The following AKAP7 variants were observed in gnomAD, a reference collection of about 807,000 sequenced individuals.
AKAP7 encodes the protein A-kinase anchoring protein 7, also known as A kinase (PRKA) anchor protein 7.
A neutral mutation model predicts 39.5 loss-of-function variants in AKAP7; 39 were observed. The observed-to-expected ratio is 0.99, with a 90% confidence interval of 0.76 to 1.29. AKAP7 has a LOEUF of 1.29. AKAP7 is among the 50% of genes most tolerant of loss of function. The probability of loss-of-function intolerance (pLI) is 0.00; values close to 1 mark genes in which losing one functional copy is unlikely to be tolerated. For missense variants in AKAP7, 414 were observed against 407.7 expected (o/e 1.02, Z -0.13); for synonymous variants, 140 against 139.1 (o/e 1.01, Z -0.05).
At chr6:131,269,333 C>T (rs1477948244) in intron 7 of AKAP7, among the ~76,000 whole-genome samples, 2 of 152,190 alleles carry the variant, frequency 1.3e-5, no homozygotes, top group Non-Finnish European at 2.9e-5. Flanking sequence ...CAGGCGTGAG[C>T]CCCTGTGCCC....
intron 6 of AKAP7, among the ~76,000 whole-genome samples, chr6:131,206,838 C>T (rs187314832): frequency 3.5e-4 from 53 of 152,134 alleles, no homozygotes; most frequent in South Asian, 1.7e-3. Flanking sequence ...ATTTTGTTAA[C>T]TGGGCCTGGT....
In AKAP7 at chr6:131,164,632, G is replaced by T. The variant is rs117554934; in HGVS notation, c.292-449G>T. On this transcript the variant is annotated intron_variant, in intron 3 of 7. Coordinates refer to ENST00000431975, the MANE Select transcript of AKAP7 (RefSeq NM_016377.4). ...GGGTTCACAGACACATTCACTTGGAGACAAATAATTATTGCTTCTAACAGA... is the reference window on the plus strand; with the variant it reads ...GGGTTCACAGACACATTCACTTGGATACAAATAATTATTGCTTCTAACAGA... 7.5e-4 allele frequency: 243 copies of T among 322,818 alleles called. 2 individuals carry two copies. In the East Asian group the frequency reaches 0.01, roughly 14 times the overall value. The allele number at this position is 322,818 out of a possible 1,614,324, so 20.0% of individuals were successfully genotyped here.
At chr6:131,260,431 A>T (rs1033684619) in intron 7 of AKAP7, among the ~76,000 whole-genome samples, 3 of 152,158 alleles carry the variant, frequency 2.0e-5, no homozygotes, top group Non-Finnish European at 2.9e-5. Context: ...ACAGTGTAAA[A>T]GTGTTCCTGT....
upstream of AKAP7, among the ~76,000 whole-genome samples, chr6:131,134,529 A>T (rs1354684692): frequency 2.6e-5 from 4 of 152,170 alleles, no homozygotes; most frequent in Non-Finnish European, 5.9e-5. Flanking sequence ...CTATTATATG[A>T]TCAGCTCCAT....
intron 2 of AKAP7, among the ~76,000 whole-genome samples, chr6:131,148,954 G>A (rs1801693624): frequency 6.6e-6 from 1 of 152,160 alleles, no homozygotes; most frequent in African/African-American, 2.4e-5. Flanking sequence ...TTTGACGTGT[G>A]GAAATTGCGA....
chr6:131,171,010 G>A (rs1424750149), intron 5 of AKAP7, among the ~76,000 whole-genome samples: 3 of 152,188 alleles, frequency 2.0e-5, no homozygotes, highest in Non-Finnish European at 1.5e-5. Flanking sequence ...TGACACAGCC[G>A]CATTCATTTT....
At chr6:131,180,417 C>A (rs2128254470) in intron 5 of AKAP7, among the ~76,000 whole-genome samples, 1 of 152,244 alleles carries the variant, frequency 6.6e-6, no homozygotes, top group Non-Finnish European at 1.5e-5. Flanking sequence ...AAACAAAAAA[C>A]AAAGTTAAAA....
At chr6:131,220,903 G>GTTCC (rs1809640722) in intron 7 of AKAP7, among the ~76,000 whole-genome samples, 2 of 152,088 alleles carry the variant, frequency 1.3e-5, no homozygotes, top group African/African-American at 4.8e-5. Context: ...AAATGTGTGT[G>GTTCC]TTCCGACTGC....
chr6:131,159,406 T>TA (rs1262834119), intron 2 of AKAP7, among the ~76,000 whole-genome samples: 7 of 151,820 alleles, frequency 4.6e-5, no homozygotes, highest in East Asian at 1.9e-4. Context: ...GATCAGTTTT[T>TA]AAAAAAAAAT....
rs111227613 is a variant in AKAP7 at position 131,274,496 on chromosome 6, T to G, written c.851-7034T>G. 4.2e-3 allele frequency among the ~76,000 whole-genome samples: 632 copies of G among 152,240 alleles called. 6 individuals are homozygous for G. Among genetic ancestry groups the G allele is most frequent in the African/African-American group, 0.014 (601 of 41,554 alleles). ...CCTCATTGTTTCTCTTTTTATCTGT[T>G]GTAAAACCTCCCTCTATTGTTTTTA... On this transcript the variant is annotated intron_variant, in intron 7 of 7. Transcript: ENST00000431975.
intron 6 of AKAP7, among the ~76,000 whole-genome samples, chr6:131,212,357 T>C (rs10080261): frequency 0.027 from 4,134 of 152,332 alleles, 125 homozygotes; most frequent in African/African-American, 0.074. Flanking sequence ...AAACATTCAT[T>C]TTAAAATTGG....
chr6:131,234,860 A>G (rs988436874), intron 7 of AKAP7, among the ~76,000 whole-genome samples: 1 of 150,840 alleles, frequency 6.6e-6, no homozygotes. Context: ...TTTGATTTAT[A>G]TTTGTCTAAT....
At chr6:131,164,523 CT>C in intron 3 of AKAP7, 1 of 435,156 alleles carries the variant, frequency 2.3e-6, no homozygotes, top group East Asian at 7.2e-5. Context: ...GGTAATGCCC[CT>C]CCCCACAGGT....
intron 7 of AKAP7, among the ~76,000 whole-genome samples, chr6:131,278,247 G>T (rs1814908578): frequency 6.6e-6 from 1 of 152,158 alleles, no homozygotes; most frequent in Non-Finnish European, 1.5e-5. Context: ...AGCAGATACT[G>T]AATCAGTAAT....
At chr6:131,135,898 C>G in intron 1 of AKAP7, 116 bp downstream of exon 1, 1 of 1,122,498 alleles carries the variant, frequency 8.9e-7, no homozygotes, top group African/African-American at 1.6e-5. Flanking sequence ...TTCTCCGAGT[C>G]TCCCTCCTTC....
At chr6:131,234,059 G>C (rs1393397262) in intron 7 of AKAP7, among the ~76,000 whole-genome samples, 2 of 152,120 alleles carry the variant, frequency 1.3e-5, no homozygotes, top group Non-Finnish European at 2.9e-5. Flanking sequence ...GTGAATTTAG[G>C]ATTCATTGAT....
At chr6:131,210,658 A>G (rs529219928) in intron 6 of AKAP7, among the ~76,000 whole-genome samples, 1 of 152,300 alleles carries the variant, frequency 6.6e-6, no homozygotes, top group East Asian at 1.9e-4. Flanking sequence ...TAATTATAAT[A>G]ATTTGTTGTG....
rs765653232 is a variant in AKAP7, at chr6:131,165,084, A to G, written c.295A>G (p.Ile99Val). The G allele has an allele frequency of 1.5e-5, 24 of 1,599,598 alleles. No individual in the cohort carries two copies. The highest frequency in any genetic ancestry group is 1.9e-5 in the Non-Finnish European group (22 of 1,175,478). The change falls in exon 4 of 8, where the codon ATA becomes GTA. Residue 99 changes from isoleucine (I) to valine (V), a missense_variant. Ile to Val is a conservative substitution (Grantham distance 29). Transcript: ENST00000431975. ...LSIPITNKEI[I>V]KGIKILQNAI... ...ATATGTGTGTATGTGTTATTAGATTATAAAAGGAATTAAGATCCTGCAGAA... is the reference window on the plus strand; with the variant it reads ...ATATGTGTGTATGTGTTATTAGATTGTAAAAGGAATTAAGATCCTGCAGAA...
At chr6:131,219,860 A>G in intron 7 of AKAP7, 52 bp downstream of exon 7, 1 of 1,256,584 alleles carries the variant, frequency 8.0e-7, no homozygotes, top group Non-Finnish European at 1.1e-6. Flanking sequence ...TTTTTTTGGC[A>G]TCACTTTTAT....
Sources: gnomAD v4.1 joint callset for allele counts (sites outside exome capture counted in the v4.1 genomes callset) on GRCh38, gnomAD v4.1.1 for gene constraint, MANE v1.5 for transcripts, NCBI Gene and HGNC (gene_info 2026-07-23, HGNC 2026-07-21) for gene names.